The following ZDHHC11 variants were observed in gnomAD, a reference collection of about 807,000 sequenced individuals.
ZDHHC11 encodes the protein palmitoyltransferase ZDHHC11.
ZDHHC11 carries 44 observed loss-of-function variants against 51.3 expected under a neutral mutation model. The ratio of observed to expected loss-of-function variants is 0.86; its 90% confidence interval spans 0.67 to 1.10. The LOEUF (loss-of-function observed/expected upper bound fraction) is 1.10. ZDHHC11 is among the 50% of genes least tolerant of loss of function. The pLI, the probability that ZDHHC11 is intolerant of heterozygous loss-of-function variation, is 0.00. For synonymous variants in ZDHHC11, 163 were observed against 222.0 expected (o/e 0.73, Z 2.36); for missense variants, 400 against 537.7 (o/e 0.74, Z 2.53).
chr5:840,475 G>T lies in ZDHHC11; in HGVS notation c.784+20C>A, dbSNP rs778995438. On this transcript the variant is annotated intron_variant, in intron 5 of 12. Transcript: ENST00000283441. ...CCACCCAGCCTTGGGGGGATCGGGG[G>T]CTTAGGGTGGGGGACATACTCAGGT... 10 of 1,613,118 alleles carry T rather than the reference G, an allele frequency of 6.2e-6. No individual in the cohort carries two copies. In the Admixed American group the frequency reaches 1.5e-4, roughly 24 times the overall value.
At chr5:845,060 C>A (rs1419514691) in intron 3 of ZDHHC11, among the ~76,000 whole-genome samples, 9 of 152,304 alleles carry the variant, frequency 5.9e-5, no homozygotes, top group Admixed American at 2.6e-4. Context: ...ATGAATGCCG[C>A]AGTCCTCCGA....
intron 3 of ZDHHC11, among the ~76,000 whole-genome samples, chr5:845,622 T>C (rs1746024208): frequency 6.6e-6 from 1 of 152,252 alleles, no homozygotes; most frequent in African/African-American, 2.4e-5. Flanking sequence ...ACAGGGGCTC[T>C]GCCATCAGCT....
chr5:797,025 G>A (rs1405343106), intron 12 of ZDHHC11, among the ~76,000 whole-genome samples: 1 of 151,292 alleles, frequency 6.6e-6, no homozygotes, highest in Non-Finnish European at 1.5e-5. Context: ...GGCTAATACA[G>A]TGAACCCCCG....
intron 11 of ZDHHC11, among the ~76,000 whole-genome samples, chr5:807,472 T>C (rs1739437845): frequency 6.6e-6 from 1 of 151,392 alleles, no homozygotes; most frequent in South Asian, 2.1e-4. Context: ...TCCTCCACTA[T>C]CATAAATAAA....
chr5:836,034 C>CGATCCCAG (rs1561272457), intron 6 of ZDHHC11, among the ~76,000 whole-genome samples: 9 of 150,486 alleles, frequency 6.0e-5, no homozygotes, highest in African/African-American at 1.2e-4. Context: ...ATTCTCTGTG[C>CGATCCCAG]CTTCATTTTC....
chr5:859,168 T>G (rs1246065127), upstream of ZDHHC11, among the ~76,000 whole-genome samples: 1 of 151,840 alleles, frequency 6.6e-6, no homozygotes, highest in Non-Finnish European at 1.5e-5. Flanking sequence ...CCGGTTTAGG[T>G]CAGCAAACTA....
At chr5:849,806 C>G (rs1746861362) in intron 1 of ZDHHC11, 1 of 152,844 alleles carries the variant, frequency 6.5e-6, no homozygotes, top group African/African-American at 2.4e-5. Flanking sequence ...CCCTCCTCCT[C>G]TCACCCTGGG....
At chr5:858,089 C>T (rs1304884520) in intron 1 of ZDHHC11, among the ~76,000 whole-genome samples, 2 of 144,528 alleles carry the variant, frequency 1.4e-5, no homozygotes, top group Non-Finnish European at 3.0e-5. Context: ...TTTATGACAC[C>T]AGGCCCCTAG....
intron 4 of ZDHHC11, chr5:841,772 G>C: frequency 3.0e-6 from 3 of 996,194 alleles, no homozygotes; most frequent in Non-Finnish European, 3.6e-6. Context: ...AATGCAGAAT[G>C]GCAGAGGGCC....
intron 11 of ZDHHC11, among the ~76,000 whole-genome samples, chr5:805,894 A>T (rs1351280677): frequency 6.6e-6 from 1 of 151,116 alleles, no homozygotes; most frequent in East Asian, 1.9e-4. Context: ...AGGAGCGAGG[A>T]TGGGGGTGGG....
At chr5:813,717 G>A (rs1184218415) in intron 11 of ZDHHC11, among the ~76,000 whole-genome samples, 7 of 149,044 alleles carry the variant, frequency 4.7e-5, no homozygotes, top group East Asian at 2.0e-4. Context: ...CAGAGAGCAC[G>A]GGGCTGTTCT....
intron 10 of ZDHHC11, among the ~76,000 whole-genome samples, chr5:816,160 T>C (rs1424973764): frequency 6.6e-6 from 1 of 150,544 alleles, no homozygotes; most frequent in Non-Finnish European, 1.5e-5. Flanking sequence ...GAAAATATTT[T>C]ATTTCAGTCT....
chr5:851,035 C>T (rs890313012), upstream of ZDHHC11: 2 of 216,376 alleles, frequency 9.2e-6, no homozygotes, highest in East Asian at 2.2e-4. Context: ...AGAAAACCCA[C>T]GTCAGAAAGA....
chr5:844,314 C>A (rs1481434694), intron 3 of ZDHHC11, among the ~76,000 whole-genome samples: 2 of 152,294 alleles, frequency 1.3e-5, no homozygotes, highest in East Asian at 1.9e-4. Context: ...TGCCTTTAAT[C>A]CCCACAAGGA....
chr5:836,121 C>T (rs1743813010), intron 6 of ZDHHC11, among the ~76,000 whole-genome samples: 1 of 150,082 alleles, frequency 6.7e-6, no homozygotes, highest in Non-Finnish European at 1.5e-5. Context: ...CTGTGCCCAG[C>T]CTCCAAGAGA....
At chr5:824,129 T>C (rs543218568) in intron 8 of ZDHHC11, 20 of 451,908 alleles carry the variant, frequency 4.4e-5, no homozygotes, top group Middle Eastern at 3.3e-4. Flanking sequence ...ACCTGTAACC[T>C]CCAGAAGCTG....
At chr5:807,853 ACT>A (rs1739487104) in intron 11 of ZDHHC11, among the ~76,000 whole-genome samples, 1 of 151,372 alleles carries the variant, frequency 6.6e-6, no homozygotes, top group African/African-American at 2.4e-5. Flanking sequence ...GTTTCTGATC[ACT>A]CTGCTAAGAG....
At chr5:857,488 A>G (rs1418443497) in intron 1 of ZDHHC11, among the ~76,000 whole-genome samples, 2 of 152,034 alleles carry the variant, frequency 1.3e-5, no homozygotes, top group African/African-American at 4.8e-5. Context: ...CCAGGCCCCC[A>G]GAGTCTGTCC....
At chr5:820,562 G>A (rs1741433666) in intron 9 of ZDHHC11, among the ~76,000 whole-genome samples, 1 of 151,284 alleles carries the variant, frequency 6.6e-6, no homozygotes, top group South Asian at 2.1e-4. Context: ...TGTGAGGGGT[G>A]GGGCTGGTGC....
Sources: allele counts gnomAD v4.1 joint callset (sites outside exome capture counted in the v4.1 genomes callset), GRCh38; gene constraint gnomAD v4.1.1; transcripts MANE v1.5; gene names NCBI Gene and HGNC (gene_info 2026-07-23, HGNC 2026-07-21).